The following DOCK3 variants were observed in gnomAD, a reference collection of about 807,000 sequenced individuals.
DOCK3 encodes the protein dedicator of cytokinesis 3.
DOCK3 carries 60 observed loss-of-function variants against 265.6 expected under a neutral mutation model. The observed-to-expected ratio is 0.23, with a 90% CI of 0.18 to 0.28. The LOEUF (loss-of-function observed/expected upper bound fraction) is 0.28. Among genes scored for constraint, DOCK3 ranks in the 10% least tolerant of loss-of-function variants. DOCK3 has a pLI of 1.00. For synonymous variants in DOCK3, 881 were observed against 938.0 expected (o/e 0.94, Z 1.11); for missense variants, 1,981 against 2,594.3 (o/e 0.76, Z 5.14).
chr3:51,135,420 C>T (rs892532564), intron 9 of DOCK3, among the ~76,000 whole-genome samples: 1 of 152,212 alleles, frequency 6.6e-6, no homozygotes, highest in African/African-American at 2.4e-5. Context: ...CATGCTGCTT[C>T]TCAAGTTTGA....
chr3:51,355,344 A>G (rs1432446151), intron 41 of DOCK3, among the ~76,000 whole-genome samples: 4 of 152,126 alleles, frequency 2.6e-5, no homozygotes, highest in African/African-American at 7.2e-5. Flanking sequence ...GCCAGGAGCA[A>G]TCACTGTACA....
chr3:51,021,953 A>T (rs2079614024), intron 5 of DOCK3, among the ~76,000 whole-genome samples: 1 of 151,988 alleles, frequency 6.6e-6, no homozygotes, highest in Non-Finnish European at 1.5e-5. Flanking sequence ...GAGCCACCAC[A>T]CCTGGCCGAG....
At chr3:51,194,241 T>C (rs900564390) in intron 12 of DOCK3, among the ~76,000 whole-genome samples, 2 of 152,220 alleles carry the variant, frequency 1.3e-5, no homozygotes, top group Non-Finnish European at 2.9e-5. Flanking sequence ...TGATTTCTAG[T>C]TTTATTCCAT....
At chr3:50,712,870 A>C (rs1030692550) in intron 1 of DOCK3, among the ~76,000 whole-genome samples, 31 of 152,244 alleles carry the variant, frequency 2.0e-4, no homozygotes, top group African/African-American at 6.3e-4. Context: ...AACAGGCTCT[A>C]TCAAGTGTTT....
intron 27 of DOCK3, among the ~76,000 whole-genome samples, chr3:51,287,562 T>A (rs756526103): frequency 1.3e-5 from 2 of 151,626 alleles, no homozygotes; most frequent in Non-Finnish European, 2.9e-5. Context: ...ATAGTAAAAA[T>A]TAAAATTAAA....
At chr3:50,738,314 T>C (rs2038778269) in intron 1 of DOCK3, among the ~76,000 whole-genome samples, 1 of 152,096 alleles carries the variant, frequency 6.6e-6, no homozygotes, top group South Asian at 2.1e-4. Flanking sequence ...AAACTGGCAA[T>C]TGGAGCCTGA....
At chr3:51,308,372 G>A (rs979982977) in intron 27 of DOCK3, among the ~76,000 whole-genome samples, 5 of 151,574 alleles carry the variant, frequency 3.3e-5, no homozygotes, top group African/African-American at 4.9e-5. Flanking sequence ...GCGGCCTTCC[G>A]CAGTGTTTGT....
intron 1 of DOCK3, among the ~76,000 whole-genome samples, chr3:50,739,926 A>G (rs1334892774): frequency 6.6e-6 from 1 of 152,164 alleles, no homozygotes; most frequent in African/African-American, 2.4e-5. Context: ...AAATTTTGAC[A>G]TACGTATTCA....
At chr3:50,837,361 G>T (rs2045570813) in intron 2 of DOCK3, among the ~76,000 whole-genome samples, 1 of 152,188 alleles carries the variant, frequency 6.6e-6, no homozygotes, top group Non-Finnish European at 1.5e-5. Flanking sequence ...CTGCATGACT[G>T]GGGAGGCCTC....
At chr3:51,320,372 C>T (rs2083626759) in intron 32 of DOCK3, among the ~76,000 whole-genome samples, 1 of 152,090 alleles carries the variant, frequency 6.6e-6, no homozygotes, top group South Asian at 2.1e-4. Flanking sequence ...GTTTCAAGCA[C>T]AAAACTAGGT....
intron 7 of DOCK3, among the ~76,000 whole-genome samples, chr3:51,082,117 T>G (rs1471481067): frequency 6.6e-6 from 1 of 151,878 alleles, no homozygotes; most frequent in African/African-American, 2.4e-5. Flanking sequence ...CAGGATAAGC[T>G]TGGAGCTAGA....
rs149858828 is a variant in DOCK3 at position 51,058,239 on chromosome 3, C to T, written c.316-6209C>T. Among the ~76,000 whole-genome samples the T allele has an allele frequency of 2.5e-3, 380 of 152,290 alleles. 5 individuals carry two copies. Among genetic ancestry groups the T allele is most frequent in the East Asian group, 4.6e-3 (24 of 5,180 alleles). ...GGCTGAGAACTGGCCTAGCTCACTG[C>T]TGCCATATCTGTTGGTCAGAGCATA... On this transcript the variant is annotated intron_variant, in intron 5 of 52. Coordinates refer to ENST00000266037, the MANE Select transcript of DOCK3 (RefSeq NM_004947.5).
intron 27 of DOCK3, among the ~76,000 whole-genome samples, chr3:51,294,170 C>A (rs2081944265): frequency 6.6e-6 from 1 of 152,054 alleles, no homozygotes. Flanking sequence ...TTCACAATAG[C>A]AGAGACATGG....
At chr3:51,117,441 C>T (rs907607965) in intron 9 of DOCK3, among the ~76,000 whole-genome samples, 8 of 151,260 alleles carry the variant, frequency 5.3e-5, no homozygotes, top group Non-Finnish European at 1.2e-4. Context: ...TTATTGTGTC[C>T]CTGCCAGGTT....
intron 22 of DOCK3, among the ~76,000 whole-genome samples, chr3:51,249,554 C>T (rs867847717): frequency 1.7e-5 from 1 of 58,044 alleles, no homozygotes; most frequent in Non-Finnish European, 3.7e-5. Context: ...GGGAGGTGGG[C>T]GGGTCAGCCC....
intron 27 of DOCK3, among the ~76,000 whole-genome samples, chr3:51,294,677 C>CAAAAAAAAAAAAAAAAAAAAA (rs59339067): frequency 8.3e-6 from 1 of 119,868 alleles, no homozygotes; most frequent in African/African-American, 3.2e-5. Context: ...GACTCTATCT[C>CAAAAAAAAAAAAAAAAAAAAA]AAAAAAAAAA....
At chr3:51,248,312 C>T (rs939802865) in intron 22 of DOCK3, among the ~76,000 whole-genome samples, 23 of 152,254 alleles carry the variant, frequency 1.5e-4, no homozygotes, top group Non-Finnish European at 2.8e-4. Context: ...CCTGCCTCAG[C>T]CTGCGGAGTG....
chr3:51,145,324 A>G (rs1388643656), intron 9 of DOCK3, among the ~76,000 whole-genome samples: 1 of 151,910 alleles, frequency 6.6e-6, no homozygotes, highest in Non-Finnish European at 1.5e-5. Context: ...GGTGTGCTGC[A>G]CCCATTAACT....
intron 7 of DOCK3, among the ~76,000 whole-genome samples, chr3:51,079,699 T>C (rs1185558349): frequency 6.6e-6 from 1 of 152,110 alleles, no homozygotes; most frequent in Non-Finnish European, 1.5e-5. Context: ...TCCTTAGTGC[T>C]CTTCAATTCT....
Sources: gnomAD v4.1 joint callset for allele counts (sites outside exome capture counted in the v4.1 genomes callset) on GRCh38, gnomAD v4.1.1 for gene constraint, MANE v1.5 for transcripts, NCBI Gene and HGNC (gene_info 2026-07-23, HGNC 2026-07-21) for gene names.